ITSN1: variants seen among roughly 807,000 people sequenced by gnomAD.
ITSN1 encodes the protein intersectin 1, also known as intersectin-1.
Under a neutral mutation model 239.8 loss-of-function variants are expected in ITSN1, and 58 were observed. The observed-to-expected ratio is 0.24, with a 90% CI of 0.20 to 0.30. ITSN1 has a LOEUF of 0.30. ITSN1 is among the 10% of genes least tolerant of loss of function. ITSN1 has a pLI of 1.00. For missense variants in ITSN1, 1,558 were observed against 2,103.3 expected, an observed-to-expected ratio of 0.74 and a Z score of 5.07; for synonymous variants, 780 against 770.8, an observed-to-expected ratio of 1.01 and a Z score of -0.20.
chr21:33,722,979 C>A (rs771213004), intron 4 of ITSN1, among the ~76,000 whole-genome samples: 9 of 152,184 alleles, frequency 5.9e-5, no homozygotes, highest in Middle Eastern at 3.2e-3. Flanking sequence ...GAATGTCCCA[C>A]ATTTCTTGCT....
intron 25 of ITSN1, among the ~76,000 whole-genome samples, 179 bp from the exon 26 acceptor site, chr21:33,826,638 AT>A (rs1409883553): frequency 6.6e-6 from 1 of 152,074 alleles, no homozygotes; most frequent in Non-Finnish European, 1.5e-5. Context: ...ACATGTTTTA[AT>A]TATTTTTTTC....
chr21:33,663,738 G>A (rs995173905), intron 1 of ITSN1, among the ~76,000 whole-genome samples: 3 of 152,222 alleles, frequency 2.0e-5, no homozygotes, highest in Non-Finnish European at 2.9e-5. Context: ...GAGTAGCTGG[G>A]ATTGCAGGCA....
intron 22 of ITSN1, chr21:33,817,616 G>T: frequency 7.9e-7 from 1 of 1,268,186 alleles, no homozygotes. Context: ...TCTTTATAGT[G>T]CTTTGTGGTT....
Position 33,885,492 on chromosome 21 carries a change from G to A in ITSN1, c.4813G>A (p.Gly1605Ser). 2.5e-6 allele frequency: 4 copies of A among 1,614,146 alleles called. No homozygotes were observed. Among genetic ancestry groups the A allele is most frequent in the Non-Finnish European group, 3.4e-6 (4 of 1,180,042 alleles). Reference protein sequence around the residue: ...IGRLMVNVVEGIELKPCRSHG... With the variant: ...IGRLMVNVVESIELKPCRSHG... ...AAGGTTGATGGTGAACGTGGTTGAA[G>A]GCATCGAGTTGAAACCCTGTCGGTC... The change falls in exon 38 of 40, where the codon GGC (glycine) becomes AGC (serine). Residue 1605 changes from glycine to serine, a missense_variant. By Grantham distance (56) the Gly-to-Ser change is moderately conservative. Coordinates refer to ENST00000381318, the MANE Select transcript of ITSN1 (RefSeq NM_003024.3).
At chr21:33,842,065 T>TA (rs1285521128) in intron 29 of ITSN1, among the ~76,000 whole-genome samples, 1 of 151,934 alleles carries the variant, frequency 6.6e-6, no homozygotes, top group Non-Finnish European at 1.5e-5. Context: ...CATGCCTCGC[T>TA]AATTTTTTTG....
At chr21:33,794,756 G>A (rs977060679) in intron 17 of ITSN1, among the ~76,000 whole-genome samples, 3 of 151,764 alleles carry the variant, frequency 2.0e-5, no homozygotes, top group African/African-American at 7.2e-5. Context: ...GCATGCTAAT[G>A]GCCAGTTCAC....
chr21:33,829,615 G>A lies in ITSN1; in HGVS notation c.3230-9G>A, dbSNP rs1033899586. The A allele has an allele frequency of 2.5e-6, 4 of 1,611,836 alleles. No individual in the cohort carries two copies. The Admixed American group carries it at 6.7e-5, about 27-fold the overall frequency. ...ACAGTGCACTGCCGTGTTTGATCTT[G>A]TTTTTCAGAAATTGCCCAGGTTATT... On this transcript the variant is annotated splice_polypyrimidine_tract_variant and intron_variant, in intron 26 of 39. Coordinates refer to ENST00000381318, the MANE Select transcript of ITSN1 (RefSeq NM_003024.3).
At chr21:33,829,236 G>A (rs1400858248) in intron 26 of ITSN1, 3 of 356,758 alleles carry the variant, frequency 8.4e-6, no homozygotes, top group Non-Finnish European at 1.6e-5. Flanking sequence ...GCCATTGGGT[G>A]CTACTGTGCT....
At chr21:33,798,751 C>T (rs762643969) in intron 18 of ITSN1, among the ~76,000 whole-genome samples, 28 of 152,106 alleles carry the variant, frequency 1.8e-4, no homozygotes, top group Admixed American at 1.1e-3. Context: ...CAGAGATGGG[C>T]GTGAGGTATG....
At chr21:33,813,482 A>G (rs1384675487) in intron 21 of ITSN1, among the ~76,000 whole-genome samples, 1 of 151,260 alleles carries the variant, frequency 6.6e-6, no homozygotes, top group African/African-American at 2.4e-5. Context: ...CCTCCTTAGT[A>G]GCTTGGATTA....
At chr21:33,767,608 G>A in intron 10 of ITSN1, 105 bp from the exon 11 acceptor site, 1 of 520,540 alleles carries the variant, frequency 1.9e-6, no homozygotes, top group South Asian at 3.5e-5. Flanking sequence ...AATGAAATTT[G>A]CTCCATGGCA....
chr21:33,794,107 A>G (rs1474705683), intron 16 of ITSN1, among the ~76,000 whole-genome samples: 1 of 152,230 alleles, frequency 6.6e-6, no homozygotes, highest in Non-Finnish European at 1.5e-5. Context: ...AGAGCAGATC[A>G]TGGAAAATGG....
chr21:33,761,452 C>T (rs1014125511), intron 8 of ITSN1, among the ~76,000 whole-genome samples: 8 of 151,960 alleles, frequency 5.3e-5, no homozygotes, highest in African/African-American at 1.5e-4. Flanking sequence ...AACAGTTTCC[C>T]GGAGATCTCT....
chr21:33,734,999 C>G, intron 4 of ITSN1, 45 bp from the exon 5 acceptor site: 1 of 1,546,740 alleles, frequency 6.5e-7, no homozygotes, highest in South Asian at 1.3e-5. Flanking sequence ...TGGAAAGGTT[C>G]TTTTATGGTC....
intron 19 of ITSN1, 87 bp from the exon 20 acceptor site, chr21:33,802,343 C>T (rs1051081820): frequency 9.9e-6 from 13 of 1,312,902 alleles, no homozygotes; most frequent in Middle Eastern, 3.7e-4. Flanking sequence ...TGATGAGATG[C>T]GTAGAGTTTA....
intron 21 of ITSN1, among the ~76,000 whole-genome samples, chr21:33,811,861 G>A (rs1015777474): frequency 1.3e-5 from 2 of 152,166 alleles, no homozygotes; most frequent in African/African-American, 4.8e-5. Flanking sequence ...ATGAGCAATT[G>A]TCTAAAAATA....
intron 11 of ITSN1, among the ~76,000 whole-genome samples, chr21:33,771,856 CAG>C (rs2069188493): frequency 6.6e-6 from 1 of 152,152 alleles, no homozygotes; most frequent in Non-Finnish European, 1.5e-5. Context: ...CTTTTAGAAA[CAG>C]TGTTTGGCGT....
chr21:33,866,841 G>A (rs1411794125), intron 32 of ITSN1, among the ~76,000 whole-genome samples: 1 of 152,158 alleles, frequency 6.6e-6, no homozygotes, highest in Non-Finnish European at 1.5e-5. Context: ...TGGGGTGTAA[G>A]GGGAATTTTT....
intron 33 of ITSN1, among the ~76,000 whole-genome samples, chr21:33,871,310 A>C (rs1164942250): frequency 6.6e-6 from 1 of 152,062 alleles, no homozygotes; most frequent in Non-Finnish European, 1.5e-5. Context: ...TGTTATGTGA[A>C]AAAGCAACAC....
Sources: allele counts gnomAD v4.1 joint callset (sites outside exome capture counted in the v4.1 genomes callset), GRCh38; gene constraint gnomAD v4.1.1; transcripts MANE v1.5; gene names NCBI Gene and HGNC (gene_info 2026-07-23, HGNC 2026-07-21).